The following FCER2 variants were observed in gnomAD, a reference collection of about 807,000 sequenced individuals.
FCER2 encodes the protein Fc epsilon receptor II, also known as low affinity immunoglobulin epsilon Fc receptor.
FCER2 carries 38 observed loss-of-function variants against 49.7 expected under a neutral mutation model. The observed-to-expected ratio is 0.76, with a 90% confidence interval of 0.59 to 1.00. FCER2 has a LOEUF of 1.00. Among genes scored for constraint, FCER2 ranks in the 50% least tolerant of loss-of-function variants. FCER2 has a pLI of 0.00. For synonymous variants in FCER2, 163 were observed against 164.6 expected (o/e 0.99, Z 0.07); for missense variants, 425 against 419.5 (o/e 1.01, Z -0.11).
chr19:7,692,599 C>A (rs1241593212), intron 8 of FCER2, among the ~76,000 whole-genome samples: 3 of 151,034 alleles, frequency 2.0e-5, no homozygotes, highest in Non-Finnish European at 4.4e-5. Flanking sequence ...ACCACAAACA[C>A]CTTACAGCCA....
intron 1 of FCER2, chr19:7,700,221 T>C (rs779638041): frequency 3.7e-5 from 6 of 162,668 alleles, no homozygotes; most frequent in Non-Finnish European, 6.7e-5. Context: ...TTGCCTTGCC[T>C]GTGTGACCTC....
At chr19:7,693,953 ATTT>A (rs368201774) in intron 8 of FCER2, among the ~76,000 whole-genome samples, 2 of 140,484 alleles carry the variant, frequency 1.4e-5, no homozygotes, top group Non-Finnish European at 1.6e-5. Flanking sequence ...CCAGCCACAG[ATTT>A]TTTTTTTTTT....
At chr19:7,694,632 A>G (rs1214619332) in intron 8 of FCER2, among the ~76,000 whole-genome samples, 4 of 152,098 alleles carry the variant, frequency 2.6e-5, no homozygotes, top group Admixed American at 6.6e-5. Flanking sequence ...CTGAGGGACC[A>G]CACTGAGGTT....
chr19:7,695,017 G>A lies in FCER2; in HGVS notation c.469+1808C>T, dbSNP rs374829128. Reference sequence around the variant, plus strand: ...ATCTGGCTAATTTTTTCATGTTTTTGTTGAGGCAGGATCTTGCTGTGTTGC... The same window carrying A: ...ATCTGGCTAATTTTTTCATGTTTTTATTGAGGCAGGATCTTGCTGTGTTGC... On this transcript the variant is annotated intron_variant, in intron 8 of 10. Coordinates refer to ENST00000597921, the MANE Select transcript of FCER2 (RefSeq NM_001220500.2). Among the ~76,000 whole-genome samples the A allele has an allele frequency of 1.2e-4, 18 of 152,176 alleles. No individual in the cohort carries two copies. In the East Asian group the frequency reaches 3.1e-3, roughly 26 times the overall value.
At chr19:7,700,163 C>T (rs1345681445) in intron 1 of FCER2, 1 of 193,906 alleles carries the variant, frequency 5.2e-6, no homozygotes, top group African/African-American at 2.4e-5. Context: ...AACACCTATA[C>T]TGTTGGTTGG....
Position 7,689,391 on chromosome 19 carries a change from G to A in FCER2, c.768C>T (p.Gly256=), listed in dbSNP as rs941811076. 4.4e-6 allele frequency: 7 copies of A among 1,604,788 alleles called. No individual in the cohort carries two copies. The highest frequency in any genetic ancestry group is 4.0e-5 in the African/African-American group (3 of 74,752). The part of the protein sequence containing the change: ...APGEPTSRSQ[G]EDCVMMRGSG... ...AGCCCCGCATCATCACGCAGTCCTC[G>A]CCCTGGCTCCGGCTGGTGGGCTCCC... Residue 256 remains glycine, a synonymous_variant, in exon 11 of 11, where the codon GGC becomes GGT. Transcript: ENST00000597921.
At chr19:7,690,578 G>T in intron 8 of FCER2, 21 bp from the exon 9 acceptor site, 1 of 1,610,586 alleles carries the variant, frequency 6.2e-7, no homozygotes, top group Non-Finnish European at 8.5e-7. Flanking sequence ...GGAGAGGCTC[G>T]GGGGTGGGGC....
chr19:7,696,101 T>C (rs1330645785), intron 8 of FCER2, among the ~76,000 whole-genome samples: 1 of 151,726 alleles, frequency 6.6e-6, no homozygotes, highest in African/African-American at 2.4e-5. Flanking sequence ...ACCCGGTTAA[T>C]TTTTTAAAAT....
At chr19:7,700,765 G>A (rs974406999) in intron 1 of FCER2, among the ~76,000 whole-genome samples, 8 of 150,852 alleles carry the variant, frequency 5.3e-5, no homozygotes, top group Non-Finnish European at 8.8e-5. Context: ...CGCCCGCCTC[G>A]GCCTCCCAAA....
intron 4 of FCER2, 55 bp from the exon 5 acceptor site, chr19:7,697,644 A>T: frequency 6.8e-7 from 1 of 1,466,218 alleles, no homozygotes. Flanking sequence ...AGGTCCTTGG[A>T]CCCCGCCTAT....
At position 7,697,495 on chromosome 19, in the gene FCER2, C is replaced by T. The variant is rs928944498; in HGVS notation, c.253+32G>A. On this transcript the variant is annotated intron_variant, in intron 5 of 10. Coordinates refer to ENST00000597921, the MANE Select transcript of FCER2 (RefSeq NM_001220500.2). Reference sequence around the variant, plus strand: ...GTCATCCAAGACCCCCTCGCTTTTTCCCCTGCAACCCCAACTCCAGGAGTC... The same window carrying T: ...GTCATCCAAGACCCCCTCGCTTTTTTCCCTGCAACCCCAACTCCAGGAGTC... The T allele has an allele frequency of 3.3e-6, 3 of 919,464 alleles. No individual in the cohort carries two copies. In the African/African-American group the frequency reaches 1.2e-4, roughly 35 times the overall value. 57.0% of individuals were successfully genotyped at this position (919,464 alleles called of 1,614,324 possible).
chr19:7,699,747 T>C lies in FCER2; in HGVS notation c.14A>G (p.Gln5Arg). 1 of 1,614,018 alleles carries C rather than the reference T, an allele frequency of 6.2e-7. No individual in the cohort carries two copies. Among genetic ancestry groups the C allele is most frequent in the Non-Finnish European group, 8.5e-7 (1 of 1,179,916 alleles). Residue 5 changes from glutamine to arginine, a missense_variant, in exon 2 of 11, where the codon CAA becomes CGA. Transcript: ENST00000597921. ...CCAGAGAGTCCTCCTACCTGAATAT[T>C]GACCTTCCTCCATGGCGGTCCTGCT... MEEG[Q>R]YSEIEELPRR...
intron 5 of FCER2, 84 bp downstream of exon 5, chr19:7,697,443 T>G: frequency 6.8e-7 from 1 of 1,473,686 alleles, no homozygotes; most frequent in Non-Finnish European, 9.5e-7. Flanking sequence ...TGGGGCACAG[T>G]GAGTCTTAAT....
In FCER2 at chr19:7,699,663, C is replaced by CT. The variant is rs397713939; in HGVS notation, c.22+75_22+76insA. 15 of 1,480,230 alleles carry CT rather than the reference C, an allele frequency of 1.0e-5. No homozygotes were observed. The East Asian group carries it at 1.8e-4, about 18-fold the overall frequency. The allele number at this position is 1,480,230 out of a possible 1,614,324, so 91.7% of individuals were successfully genotyped here. On this transcript the variant is annotated intron_variant, in intron 2 of 10. Transcript: ENST00000597921. ...TTCCCAGAGAGGGACTGGGGAGCCC[C>CT]GCTTCTCTTCTGGGTGAAAGGCAGT...
chr19:7,699,221 C>G (rs1247964187), intron 2 of FCER2, among the ~76,000 whole-genome samples: 1 of 151,928 alleles, frequency 6.6e-6, no homozygotes, highest in Non-Finnish European at 1.5e-5. Flanking sequence ...TCCCTAAACC[C>G]AGGACACTGA....
At position 7,690,107 on chromosome 19, in the gene FCER2, C is replaced by A. The variant is rs571314475; in HGVS notation, c.728+52G>T. Reference sequence around the variant, plus strand: ...ATGCAGTTTATCTAGGGAGCTCCTCCCTCCACGGTATTTCCATCTCCTCCC... The same window carrying A: ...ATGCAGTTTATCTAGGGAGCTCCTCACTCCACGGTATTTCCATCTCCTCCC... On this transcript the variant is annotated intron_variant, in intron 10 of 10. Transcript: ENST00000597921. The A allele has an allele frequency of 2.6e-6, 3 of 1,153,932 alleles. No individual in the cohort carries two copies. In the African/African-American group the frequency reaches 4.6e-5, roughly 18 times the overall value. The allele number at this position is 1,153,932 out of a possible 1,614,324, so 71.5% of individuals were successfully genotyped here.
chr19:7,690,947 C>T (rs2032850693), intron 8 of FCER2, among the ~76,000 whole-genome samples: 1 of 151,880 alleles, frequency 6.6e-6, no homozygotes, highest in Non-Finnish European at 1.5e-5. Flanking sequence ...TGTCCAACAA[C>T]ACTTCAACCA....
At position 7,700,793 on chromosome 19, in the gene FCER2, G is replaced by A. The variant is rs951792478; in HGVS notation, c.-85-948C>T. Among the ~76,000 whole-genome samples the A allele has an allele frequency of 8.6e-5, 13 of 151,182 alleles. No homozygotes were observed. The East Asian group carries it at 1.4e-3, about 16-fold the overall frequency. On this transcript the variant is annotated intron_variant, in intron 1 of 10. Coordinates refer to ENST00000597921, the MANE Select transcript of FCER2 (RefSeq NM_001220500.2). Reference sequence around the variant, plus strand: ...CTCCCAAAGTGCTGGGATTACAGGCGTGAGCCACTGTGCATGGCCTATTTT... The same window carrying A: ...CTCCCAAAGTGCTGGGATTACAGGCATGAGCCACTGTGCATGGCCTATTTT...
chr19:7,697,515 G>C lies in FCER2; in HGVS notation c.253+12C>G, dbSNP rs747562783. On this transcript the variant is annotated intron_variant, in intron 5 of 10. Coordinates refer to ENST00000597921, the MANE Select transcript of FCER2 (RefSeq NM_001220500.2). The stretch of plus-strand genomic sequence containing the variant: ...TTTTTCCCCTGCAACCCCAACTCCA[G>C]GAGTCACTCACACTGGGATTTCTGC... The C allele has an allele frequency of 1.2e-6, 2 of 1,612,194 alleles. No individual in the cohort carries two copies. Among genetic ancestry groups the C allele is most frequent in the East Asian group, 2.2e-5 (1 of 44,874 alleles).
Sources: allele counts gnomAD v4.1 joint callset (sites outside exome capture counted in the v4.1 genomes callset), GRCh38; gene constraint gnomAD v4.1.1; transcripts MANE v1.5; gene names NCBI Gene and HGNC (gene_info 2026-07-23, HGNC 2026-07-21).